Variants in ADAMTS16 observed in about 807,000 individuals in gnomAD.
The protein encoded by ADAMTS16 is A disintegrin and metalloproteinase with thrombospondin motifs 16.
Under a neutral mutation model 145.8 loss-of-function variants are expected in ADAMTS16, and 94 were observed. The ratio of observed to expected loss-of-function variants is 0.64; its 90% CI spans 0.55 to 0.77. The LOEUF (loss-of-function observed/expected upper bound fraction) is 0.77. ADAMTS16 is among the 30% of genes least tolerant of loss of function. The probability of loss-of-function intolerance (pLI) is 0.00; values close to 1 mark genes in which losing one functional copy is unlikely to be tolerated. For synonymous variants in ADAMTS16, 659 were observed against 604.3 expected, an observed-to-expected ratio of 1.09 and a Z score of -1.33; for missense variants, 1,585 against 1,591.5, an observed-to-expected ratio of 1.00 and a Z score of 0.07.
chr5:5,306,918 T>C (rs542350033), intron 21 of ADAMTS16, among the ~76,000 whole-genome samples, 190 bp downstream of exon 21: 5 of 152,290 alleles, frequency 3.3e-5, no homozygotes, highest in African/African-American at 1.2e-4. Flanking sequence ...CTGAGGATGG[T>C]CTCCAAGTGT....
Position 5,306,556 on chromosome 5 carries a change from A to G in ADAMTS16, c.3239A>G (p.Glu1080Gly), listed in dbSNP as rs1274019194. The G allele has an allele frequency of 1.4e-5, 23 of 1,614,086 alleles. No individual in the cohort carries two copies. Among genetic ancestry groups the G allele is most frequent in the Non-Finnish European group, 1.9e-5 (22 of 1,180,058 alleles). Residue 1080 changes from glutamate (E) to glycine (G), a missense_variant, in exon 21 of 23, where the codon GAA becomes GGA. By Grantham distance (98) the Glu-to-Gly change is moderately conservative. Around this residue, in one of 3 missense-constraint regions of ADAMTS16, gnomAD observed 834 missense variants for 811.7 expected, o/e 1.03. Transcript: ENST00000274181. ...GTQKRFLKCA[E>G]KYVSGKYREL... ...CAGAAAAGATTCTTAAAATGTGCTG[A>G]AAAGTATGTTTCTGGAAAGTATCGA...
At chr5:5,194,891 G>A (rs530853555) in intron 8 of ADAMTS16, among the ~76,000 whole-genome samples, 1 of 152,044 alleles carries the variant, frequency 6.6e-6, no homozygotes, top group African/African-American at 2.4e-5. Flanking sequence ...ATACTGCTTC[G>A]AAGGTAAATT....
chr5:5,185,049 A>T (rs1236252997), intron 4 of ADAMTS16, among the ~76,000 whole-genome samples: 1 of 152,148 alleles, frequency 6.6e-6, no homozygotes, highest in Non-Finnish European at 1.5e-5. Flanking sequence ...TACAGACTGC[A>T]CGAGTTACAC....
chr5:5,218,475 T>C (rs1736498729), intron 10 of ADAMTS16, among the ~76,000 whole-genome samples: 1 of 152,172 alleles, frequency 6.6e-6, no homozygotes, highest in African/African-American at 2.4e-5. Flanking sequence ...GGAGTGGGTG[T>C]CTGCAACTCC....
In ADAMTS16 at chr5:5,317,959, A is replaced by T. The variant is rs1734120926; in HGVS notation, c.3412-175A>T. On this transcript the variant is annotated intron_variant, in intron 21 of 22. Coordinates refer to ENST00000274181, the MANE Select transcript of ADAMTS16 (RefSeq NM_139056.4). This position sits in a 1 kb window ranked among gnomAD's most constrained non-coding sequence, Gnocchi z 4.5. ...TTGCTTCTGGAAAAGGTGAGCAGGG[A>T]CCGTGCTCACTCGCGCACATCGTGG... Among the ~76,000 whole-genome samples the T allele has an allele frequency of 6.6e-6, 1 of 152,204 alleles. No homozygotes were observed. The highest frequency in any genetic ancestry group is 1.5e-5 in the Non-Finnish European group (1 of 68,026).
chr5:5,170,887 T>G (rs1206882493), intron 3 of ADAMTS16, among the ~76,000 whole-genome samples: 1 of 152,214 alleles, frequency 6.6e-6, no homozygotes, highest in Non-Finnish European at 1.5e-5. Context: ...TGGTCCATTT[T>G]TGCTTTGGTT....
intron 3 of ADAMTS16, among the ~76,000 whole-genome samples, chr5:5,167,820 A>G (rs1324042827): frequency 6.6e-6 from 1 of 152,246 alleles, no homozygotes; most frequent in Non-Finnish European, 1.5e-5. Flanking sequence ...ACATGTGGCA[A>G]TTGAGGAGTT....
chr5:5,307,206 G>A lies in ADAMTS16; in HGVS notation c.3411+478G>A, dbSNP rs568454866. On this transcript the variant is annotated intron_variant, in intron 21 of 22. Transcript: ENST00000274181. ...CCTGTGTTTCTCCTCGTCTGTGCCCGCGCCTCCCACCACCCCTGCGATGCT... is the reference window on the plus strand; with the variant it reads ...CCTGTGTTTCTCCTCGTCTGTGCCCACGCCTCCCACCACCCCTGCGATGCT... 2.2e-3 allele frequency among the ~76,000 whole-genome samples: 335 copies of A among 152,228 alleles called. 1 individual carries two copies. Among genetic ancestry groups the A allele is most frequent in the Middle Eastern group, 3.4e-3 (1 of 294 alleles).
rs16875122 is a variant in ADAMTS16 at position 5,242,105 on chromosome 5, G to A, written c.2576G>A (p.Arg859His). ...GTTGCCTGGGAATACTCCATGCCTCGCTTGGGGACCGAGAAGCAGCCCCCT... is the reference window on the plus strand; with the variant it reads ...GTTGCCTGGGAATACTCCATGCCTCACTTGGGGACCGAGAAGCAGCCCCCT... ...PGVAWEYSMP[R>H]LGTEKQPPAQ... is the part of the protein sequence containing the mutation. Residue 859 changes from arginine to histidine, a missense_variant, in exon 17 of 23, where the codon CGC becomes CAC. Arg to His is a conservative substitution (Grantham distance 29). Coordinates refer to ENST00000274181, the MANE Select transcript of ADAMTS16 (RefSeq NM_139056.4). 81 of 1,614,100 alleles carry A rather than the reference G, an allele frequency of 5.0e-5. No homozygotes were observed. The highest frequency in any genetic ancestry group is 1.6e-4 in the South Asian group (15 of 91,078).
At chr5:5,171,245 A>G (rs938324555) in intron 3 of ADAMTS16, among the ~76,000 whole-genome samples, 2 of 152,062 alleles carry the variant, frequency 1.3e-5, no homozygotes, top group Non-Finnish European at 2.9e-5. Context: ...TTTCTTTCTA[A>G]TTTGAATGCC....
intron 17 of ADAMTS16, among the ~76,000 whole-genome samples, chr5:5,257,276 G>C (rs1232811370): frequency 2.0e-5 from 3 of 152,100 alleles, no homozygotes; most frequent in Admixed American, 6.5e-5. Context: ...CTACTAACTT[G>C]TCCAAGCTTA....
intron 18 of ADAMTS16, among the ~76,000 whole-genome samples, chr5:5,277,202 G>A (rs1008026790): frequency 8.5e-5 from 13 of 152,302 alleles, no homozygotes; most frequent in Non-Finnish European, 1.5e-4. Flanking sequence ...TCAAATGTCA[G>A]TGGAAGGACA....
At chr5:5,170,367 T>A (rs1249199295) in intron 3 of ADAMTS16, among the ~76,000 whole-genome samples, 1 of 152,132 alleles carries the variant, frequency 6.6e-6, no homozygotes, top group East Asian at 1.9e-4. Context: ...ATTTTTATTT[T>A]ATTTTTATTT....
intron 10 of ADAMTS16, among the ~76,000 whole-genome samples, chr5:5,211,538 G>A (rs1736271500): frequency 6.6e-6 from 1 of 151,788 alleles, no homozygotes; most frequent in African/African-American, 2.4e-5. Flanking sequence ...TTTGTTTGTT[G>A]GATTCTTTTC....
At chr5:5,257,783 C>T (rs10076231) in intron 17 of ADAMTS16, among the ~76,000 whole-genome samples, 145,506 of 152,172 alleles carry the variant, frequency 0.96, 69,788 homozygotes, top group Non-Finnish European at 1. Flanking sequence ...TAGCATCAGA[C>T]TCCAGAGGAT....
At chr5:5,181,389 G>T in intron 3 of ADAMTS16, among the ~76,000 whole-genome samples, 1 of 152,222 alleles carries the variant, frequency 6.6e-6, no homozygotes, top group Non-Finnish European at 1.5e-5. Context: ...AATCGATTTT[G>T]TCTCTCTACG....
At chr5:5,313,728 G>A (rs1740550677) in intron 21 of ADAMTS16, among the ~76,000 whole-genome samples, 1 of 152,274 alleles carries the variant, frequency 6.6e-6, no homozygotes, top group Non-Finnish European at 1.5e-5. Context: ...AATTAAGACT[G>A]CATGAGACTG....
intron 21 of ADAMTS16, among the ~76,000 whole-genome samples, chr5:5,313,325 T>C (rs938676010): frequency 6.6e-6 from 1 of 152,242 alleles, no homozygotes; most frequent in African/African-American, 2.4e-5. Flanking sequence ...GGCTTATTCT[T>C]GTGACAGTCT....
At chr5:5,295,442 TGC>T (rs1252715277) in intron 18 of ADAMTS16, among the ~76,000 whole-genome samples, 3 of 152,242 alleles carry the variant, frequency 2.0e-5, no homozygotes, top group Non-Finnish European at 4.4e-5. Flanking sequence ...CAAATTCAGC[TGC>T]CATAAACAGA....
Sources: allele counts gnomAD v4.1 joint callset (sites outside exome capture counted in the v4.1 genomes callset), GRCh38; gene constraint gnomAD v4.1.1; regional missense constraint gnomAD v4.1.1; non-coding constraint Gnocchi (gnomAD v3.1); transcripts MANE v1.5; gene names NCBI Gene and HGNC (gene_info 2026-07-23, HGNC 2026-07-21).